PDE11A: variants seen among roughly 807,000 people sequenced by gnomAD.
PDE11A encodes dual 3',5'-cyclic-AMP and -GMP phosphodiesterase 11A.
PDE11A carries 100 observed loss-of-function variants against 100.5 expected under a neutral mutation model. That is an observed-to-expected ratio of 1.00 (90% confidence interval 0.85 to 1.18). The LOEUF (loss-of-function observed/expected upper bound fraction) is 1.18, where lower values mean the gene tolerates loss of function less well. Among genes scored for constraint, PDE11A ranks in the 50% most tolerant of loss-of-function variants. The pLI is 0.00. For missense variants in PDE11A, 1,141 were observed against 1,152.6 expected (o/e 0.99, Z 0.15); for synonymous variants, 381 against 420.8 (o/e 0.91, Z 1.16).
Position 178,072,493 on chromosome 2 carries a change from C to T in PDE11A, c.-56G>A. The T allele has an allele frequency of 1.2e-6, 2 of 1,606,096 alleles. No homozygotes were observed. Among genetic ancestry groups the T allele is most frequent in the South Asian group, 1.1e-5 (1 of 90,590 alleles). On this transcript the variant is annotated 5_prime_UTR_variant, in exon 1 of 20. Transcript: ENST00000286063. ...ACGTGAACCAAATGTTTTCCTGCCC[C>T]GAGGCCTCTAGCTGTTCCTGCACAT... is the stretch of plus-strand genomic sequence containing the variant.
intron 10 of PDE11A, among the ~76,000 whole-genome samples, chr2:177,754,435 C>T (rs2082065199): frequency 6.6e-6 from 1 of 152,242 alleles, no homozygotes. Context: ...AGCAGTTCTT[C>T]CTGTTCAAGA....
At chr2:178,058,056 C>T (rs890801840) in intron 1 of PDE11A, among the ~76,000 whole-genome samples, 1 of 152,086 alleles carries the variant, frequency 6.6e-6, no homozygotes, top group Non-Finnish European at 1.5e-5. Context: ...CAGGGTTTCA[C>T]CATGTTGGCC....
At chr2:177,802,463 T>C (rs1386366781) in intron 9 of PDE11A, among the ~76,000 whole-genome samples, 1 of 152,030 alleles carries the variant, frequency 6.6e-6, no homozygotes, top group Admixed American at 6.6e-5. Context: ...AAAGTATTGA[T>C]CAAGAGGAGA....
intron 9 of PDE11A, among the ~76,000 whole-genome samples, chr2:177,788,560 GA>G (rs1315349680): frequency 6.6e-6 from 1 of 151,574 alleles, no homozygotes; most frequent in Non-Finnish European, 1.5e-5. Context: ...GAAGGAAATA[GA>G]GACACAAAAA....
chr2:177,887,452 TAAAAA>T (rs2105713505), intron 4 of PDE11A, among the ~76,000 whole-genome samples: 1 of 17,876 alleles, frequency 5.6e-5, no homozygotes, highest in African/African-American at 1.2e-4. Flanking sequence ...GACAAGCCGT[TAAAAA>T]AGAAAAAAAA....
intron 10 of PDE11A, among the ~76,000 whole-genome samples, chr2:177,754,198 T>C (rs949631826): frequency 5.9e-5 from 9 of 152,112 alleles, no homozygotes; most frequent in Non-Finnish European, 1.0e-4. Flanking sequence ...TACGCAAATA[T>C]ATTACTGGCC....
rs1465235916 is a variant in PDE11A at position 177,629,148 on chromosome 2, C to G, written c.*259G>C. 12 of 513,104 alleles carry G rather than the reference C, an allele frequency of 2.3e-5. No homozygotes were observed. Among genetic ancestry groups the G allele is most frequent in the Non-Finnish European group, 3.2e-5 (9 of 283,068 alleles). The allele number at this position is 513,104 out of a possible 1,614,324, so 31.8% of individuals were successfully genotyped here. The stretch of plus-strand genomic sequence containing the variant: ...ATCCAAAACAGTCCCCTACCCAGAG[C>G]CTTCATTTCAGCCCATGCGTGTTCA... On this transcript the variant is annotated 3_prime_UTR_variant, in exon 20 of 20. Transcript: ENST00000286063.
At chr2:177,672,520 G>A (rs1004553765) in intron 17 of PDE11A, among the ~76,000 whole-genome samples, 5 of 152,092 alleles carry the variant, frequency 3.3e-5, no homozygotes, top group African/African-American at 9.7e-5. Flanking sequence ...TCAGCTTGGG[G>A]GCCAGGTATC....
rs1297144992 is a variant in PDE11A at position 177,841,883 on chromosome 2, CAAAT to C, written c.1368-1504_1368-1501del. On this transcript the variant is annotated intron_variant, in intron 5 of 19. Coordinates refer to ENST00000286063, the MANE Select transcript of PDE11A (RefSeq NM_016953.4). ...GAAGAAGAAGCTTTATTTTCTAAAA[CAAAT>C]CAAAACAAAAGAACAAAAAAGTTTT... 2.4e-5 allele frequency among the ~76,000 whole-genome samples: 3 copies of C among 122,466 alleles called. No individual in the cohort carries two copies. In the South Asian group the frequency reaches 7.5e-4, roughly 31 times the overall value. The allele number at this position is 122,466 out of a possible 152,430, so 80.3% of individuals were successfully genotyped here.
At chr2:177,704,796 T>G (rs1180223778) in intron 13 of PDE11A, among the ~76,000 whole-genome samples, 2 of 152,194 alleles carry the variant, frequency 1.3e-5, no homozygotes, top group Non-Finnish European at 2.9e-5. Context: ...TGTGATTTTG[T>G]GGGAGGGGAA....
chr2:177,761,363 C>T (rs2082168408), intron 10 of PDE11A, among the ~76,000 whole-genome samples: 1 of 152,152 alleles, frequency 6.6e-6, no homozygotes, highest in Non-Finnish European at 1.5e-5. Context: ...GTCCCTGCTT[C>T]AAAATTCCAC....
chr2:177,999,130 T>G (rs2086113110), intron 2 of PDE11A, among the ~76,000 whole-genome samples: 1 of 152,164 alleles, frequency 6.6e-6, no homozygotes, highest in African/African-American at 2.4e-5. Context: ...TAAAAATAAA[T>G]TTAGAGTCAA....
intron 2 of PDE11A, among the ~76,000 whole-genome samples, chr2:177,991,399 G>T (rs1049216678): frequency 6.6e-6 from 1 of 150,454 alleles, no homozygotes; most frequent in Non-Finnish European, 1.5e-5. Flanking sequence ...ACTTTGGGAG[G>T]CCAAGGCGGG....
chr2:178,075,597 C>A (rs536609834), upstream of PDE11A, among the ~76,000 whole-genome samples: 2 of 146,562 alleles, frequency 1.4e-5, no homozygotes, highest in Non-Finnish European at 3.0e-5. Flanking sequence ...CTCAAGCTAA[C>A]CTCAAAGGAG....
At chr2:177,744,864 CTT>C (rs2081925864) in intron 10 of PDE11A, among the ~76,000 whole-genome samples, 1 of 152,194 alleles carries the variant, frequency 6.6e-6, no homozygotes, top group African/African-American at 2.4e-5. Context: ...TGCTAGCTCT[CTT>C]GTTTTATTCC....
chr2:177,749,520 T>C (rs1380290885), intron 10 of PDE11A, among the ~76,000 whole-genome samples: 1 of 152,172 alleles, frequency 6.6e-6, no homozygotes, highest in Non-Finnish European at 1.5e-5. Flanking sequence ...TTCTGGGTAG[T>C]GATTGTGAGA....
rs1342506508 is a variant in PDE11A at position 177,675,456 on chromosome 2, T to C, written c.2486A>G (p.Gln829Arg). 1 of 1,610,744 alleles carries C rather than the reference T, an allele frequency of 6.2e-7. No individual in the cohort carries two copies. Among genetic ancestry groups the C allele is most frequent in the East Asian group, 2.2e-5 (1 of 44,832 alleles). ...AVTKPWEISR[Q>R]VAELVTSEFF... ...GCCCTGCCATTAATCACCACTTGCCTGTCTGGAGATCTCCCACGGTTTGGT... is the reference window on the plus strand; with the variant it reads ...GCCCTGCCATTAATCACCACTTGCCCGTCTGGAGATCTCCCACGGTTTGGT... The change falls in exon 17 of 20, where the codon CAG becomes CGG. Residue 829 changes from glutamine to arginine, a missense_variant and splice_region_variant. Physicochemically the swap from Gln to Arg is conservative, Grantham distance 43. Transcript: ENST00000286063.
At chr2:178,089,885 C>A (rs1026387593) in intron 2 of PDE11A, among the ~76,000 whole-genome samples, 1 of 152,162 alleles carries the variant, frequency 6.6e-6, no homozygotes, top group South Asian at 2.1e-4. Flanking sequence ...CCTGAAAAAC[C>A]TAGGCCCTTT....
chr2:177,631,539 ATATATATACACATG>A (rs1436607418), intron 19 of PDE11A, among the ~76,000 whole-genome samples: 12 of 27,324 alleles, frequency 4.4e-4, no homozygotes, highest in African/African-American at 1.3e-3. Context: ...ATATATATAT[ATATATATACACATG>A]TATATATATA....
Sources: gnomAD v4.1 joint callset for allele counts (sites outside exome capture counted in the v4.1 genomes callset) on GRCh38, gnomAD v4.1.1 for gene constraint, MANE v1.5 for transcripts, NCBI Gene and HGNC (gene_info 2026-07-23, HGNC 2026-07-21) for gene names.